MACF1: variants seen among roughly 807,000 people sequenced by gnomAD.
MACF1 encodes the protein microtubule actin crosslinking factor 1.
MACF1 carries 193 observed loss-of-function variants against 854.8 expected under a neutral mutation model. The observed-to-expected ratio is 0.23, with a 90% confidence interval of 0.20 to 0.25. The LOEUF (loss-of-function observed/expected upper bound fraction) is 0.25, where lower values mean the gene tolerates loss of function less well. MACF1 is among the 10% of genes least tolerant of loss of function. The pLI, the probability that MACF1 is intolerant of heterozygous loss-of-function variation, is 1.00. For synonymous variants in MACF1, 3,185 were observed against 3,226.7 expected (o/e 0.99, Z 0.44); for missense variants, 7,722 against 8,929.1 (o/e 0.86, Z 5.45).
At chr1:39,385,348 A>C in intron 56 of MACF1, 86 bp from the exon 57 acceptor site, 1 of 1,448,670 alleles carries the variant, frequency 6.9e-7, no homozygotes, top group Non-Finnish European at 9.4e-7. Context: ...GATTACAGGC[A>C]TGAGCCACTG....
chr1:39,414,590 TC>T, intron 58 of MACF1: 1 of 1,493,354 alleles, frequency 6.7e-7, no homozygotes, highest in Non-Finnish European at 9.0e-7. Context: ...TTTTTGGGTC[TC>T]CCGGGCTTAT....
chr1:39,310,239 T>G lies in MACF1; in HGVS notation c.2917-6T>G. 2 of 1,599,484 alleles carry G rather than the reference T, an allele frequency of 1.3e-6. No individual in the cohort carries two copies. Among genetic ancestry groups the G allele is most frequent in the Non-Finnish European group, 1.7e-6 (2 of 1,174,992 alleles). On this transcript the variant is annotated splice_region_variant and splice_polypyrimidine_tract_variant and intron_variant, in intron 24 of 100. Transcript: ENST00000564288. ...GTTGCAATTTCTTCTGGCTTTTTCTTTCTAGCTTCGATCCTCAGCACCAGG... is the reference window on the plus strand; with the variant it reads ...GTTGCAATTTCTTCTGGCTTTTTCTGTCTAGCTTCGATCCTCAGCACCAGG...
intron 2 of MACF1, among the ~76,000 whole-genome samples, chr1:39,121,951 G>C (rs981698816): frequency 6.6e-6 from 1 of 152,138 alleles, no homozygotes; most frequent in Non-Finnish European, 1.5e-5. Flanking sequence ...GAAAATTTTG[G>C]ATTTGTGGTC....
intron 2 of MACF1, among the ~76,000 whole-genome samples, chr1:39,168,598 G>T (rs752296801): frequency 2.0e-5 from 3 of 152,196 alleles, no homozygotes; most frequent in Non-Finnish European, 2.9e-5. Context: ...CTCCCTGAGA[G>T]CTGGGATTAC....
chr1:39,430,939 T>A, intron 66 of MACF1, 31 bp downstream of exon 66: 2 of 1,579,568 alleles, frequency 1.3e-6, no homozygotes, highest in Non-Finnish European at 1.7e-6. Context: ...GCATTAATAT[T>A]TTAGACAGTA....
intron 2 of MACF1, among the ~76,000 whole-genome samples, chr1:39,242,072 G>A (rs1252939971): frequency 6.6e-6 from 1 of 152,176 alleles, no homozygotes; most frequent in African/African-American, 2.4e-5. Flanking sequence ...ATGGAGGCCG[G>A]GTGCAGTGCT....
At chr1:39,411,302 A>G (rs1424909189) in intron 58 of MACF1, 1 of 1,614,086 alleles carries the variant, frequency 6.2e-7, no homozygotes, top group Non-Finnish European at 8.5e-7. Context: ...GACAGGGAAA[A>G]GACTTTTCTG....
In MACF1 at chr1:39,275,238, C is replaced by T. The variant is rs796675268; in HGVS notation, c.529-6970C>T. Among the ~76,000 whole-genome samples the T allele has an allele frequency of 1.2e-4, 19 of 152,098 alleles. 1 individual carries two copies. Among genetic ancestry groups the T allele is most frequent in the African/African-American group, 4.6e-4 (19 of 41,488 alleles). ...GGACTACAGGCGCCCGCCGCCATGCCCGGTTAATTTTGTTTTTGTATTTTT... is the reference window on the plus strand; with the variant it reads ...GGACTACAGGCGCCCGCCGCCATGCTCGGTTAATTTTGTTTTTGTATTTTT... On this transcript the variant is annotated intron_variant, in intron 6 of 100. Transcript: ENST00000564288.
intron 2 of MACF1, among the ~76,000 whole-genome samples, chr1:39,239,822 CTG>C (rs1280299996): frequency 1.3e-5 from 2 of 152,200 alleles, no homozygotes; most frequent in African/African-American, 4.8e-5. Context: ...CCTGGCTTTC[CTG>C]GAATTTTAGA....
At chr1:39,250,929 A>G (rs1023036892) in intron 3 of MACF1, among the ~76,000 whole-genome samples, 3 of 152,232 alleles carry the variant, frequency 2.0e-5, no homozygotes, top group African/African-American at 7.2e-5. Flanking sequence ...CATAGACAAC[A>G]TAATTTTCAT....
intron 2 of MACF1, among the ~76,000 whole-genome samples, chr1:39,244,261 C>T (rs546518143): frequency 2.6e-5 from 4 of 151,590 alleles, no homozygotes; most frequent in South Asian, 4.2e-4. Flanking sequence ...CGCCCCACCA[C>T]GCCCCGCTAA....
At chr1:39,168,749 A>G (rs748835248) in intron 2 of MACF1, among the ~76,000 whole-genome samples, 9 of 152,178 alleles carry the variant, frequency 5.9e-5, no homozygotes, top group Non-Finnish European at 1.3e-4. Context: ...ATATAAAATT[A>G]TGAGGATTAA....
At chr1:39,095,435 C>T (rs181092455) in intron 2 of MACF1, among the ~76,000 whole-genome samples, 16 of 151,516 alleles carry the variant, frequency 1.1e-4, no homozygotes, top group East Asian at 7.8e-4. Context: ...TGGTGGTGCG[C>T]GCCTGTAGTC....
At position 39,084,973 on chromosome 1, in the gene MACF1, C is replaced by T. The variant is rs542388614; in HGVS notation, c.220+535C>T. Among the ~76,000 whole-genome samples the T allele has an allele frequency of 5.9e-5, 9 of 152,208 alleles. No homozygotes were observed. In the South Asian group the frequency reaches 8.3e-4, roughly 14 times the overall value. Reference sequence around the variant, plus strand: ...TTGGAGAGTACAGTTTTACTTGTATCGCCTTCCAAAAGTGTTCTACATGCT... The same window carrying T: ...TTGGAGAGTACAGTTTTACTTGTATTGCCTTCCAAAAGTGTTCTACATGCT... On this transcript the variant is annotated intron_variant, in intron 2 of 93. Coordinates refer to the MACF1 transcript ENST00000361689. This position sits in a 1 kb window ranked among gnomAD's most constrained non-coding sequence, Gnocchi z 5.2.
rs1258365731 is a variant in MACF1, at chr1:39,293,484, C to T, written c.2019C>T (p.His673=). The T allele has an allele frequency of 1.1e-5, 18 of 1,613,314 alleles. No individual in the cohort carries two copies. Among genetic ancestry groups the T allele is most frequent in the Non-Finnish European group, 1.5e-5 (18 of 1,179,556 alleles). ...AAACTTCTAGCTTCCGGATGAGGCACCTTCAGAGCCTGCATAAATTTGTTT... is the reference window on the plus strand; with the variant it reads ...AAACTTCTAGCTTCCGGATGAGGCATCTTCAGAGCCTGCATAAATTTGTTT... The part of the protein sequence containing the change: ...LKETSSFRMR[H]LQSLHKFVSR... Residue 673 remains histidine (H), a synonymous_variant, in exon 18 of 101, where the codon CAC becomes CAT. Coordinates refer to ENST00000564288, the MANE Select transcript of MACF1 (RefSeq NM_001394062.1).
intron 61 of MACF1, among the ~76,000 whole-genome samples, chr1:39,425,711 C>G (rs1010658169): frequency 2.6e-5 from 4 of 152,072 alleles, no homozygotes; most frequent in Non-Finnish European, 5.9e-5. Flanking sequence ...TTGTCCAGCT[C>G]TCTCTCTTCT....
intron 2 of MACF1, 102 bp downstream of exon 2, chr1:39,231,345 C>T (rs1644775308): frequency 2.8e-6 from 3 of 1,078,606 alleles, no homozygotes; most frequent in Non-Finnish European, 4.3e-6. Flanking sequence ...GCTGTGTGCT[C>T]AAGTCTATGA....
chr1:39,213,726 C>T (rs1031257930), intron 1 of MACF1, among the ~76,000 whole-genome samples: 1 of 152,088 alleles, frequency 6.6e-6, no homozygotes, highest in Non-Finnish European at 1.5e-5. Context: ...TTCCCTATTT[C>T]TTATGCATTC....
chr1:39,108,213 A>G (rs571170682), intron 2 of MACF1, among the ~76,000 whole-genome samples: 2 of 152,292 alleles, frequency 1.3e-5, no homozygotes, highest in African/African-American at 2.4e-5. Context: ...CTGGATTCTA[A>G]CAGTTCAGAG....
Sources: gnomAD v4.1 joint callset for allele counts (sites outside exome capture counted in the v4.1 genomes callset) on GRCh38, gnomAD v4.1.1 for gene constraint, Gnocchi (gnomAD v3.1) non-coding constraint, MANE v1.5 for transcripts, NCBI Gene and HGNC (gene_info 2026-07-23, HGNC 2026-07-21) for gene names.